The following CELF2 variants were observed in gnomAD, a reference collection of about 807,000 sequenced individuals.
CELF2 encodes the protein CUGBP Elav-like family member 2.
In CELF2, 8 loss-of-function variants were observed where a neutral mutation model predicts 62.6. The ratio of observed to expected loss-of-function variants is 0.13; its 90% CI spans 0.07 to 0.23. The LOEUF (loss-of-function observed/expected upper bound fraction) is 0.23, where lower values mean the gene tolerates loss of function less well. Among genes scored for constraint, CELF2 ranks in the 10% least tolerant of loss-of-function variants. The pLI is 1.00. For missense variants in CELF2, 333 were observed against 671.0 expected (o/e 0.50, Z 5.56); for synonymous variants, 258 against 250.0 (o/e 1.03, Z -0.30).
chr10:10,706,179 G>C, the CELF2 span, among the ~76,000 whole-genome samples: 1 of 152,148 alleles, frequency 6.6e-6, no homozygotes, highest in Non-Finnish European at 1.5e-5. Context: ...CTTTCAGGAA[G>C]CCAAGACTAG....
intron 2 of CELF2, among the ~76,000 whole-genome samples, chr10:10,951,037 T>C (rs1214144671): frequency 6.6e-6 from 1 of 152,222 alleles, no homozygotes; most frequent in African/African-American, 2.4e-5. Flanking sequence ...TTCAGACCCC[T>C]CTATTTCATG....
chr10:11,185,616 G>A (rs1036460912), intron 2 of CELF2, among the ~76,000 whole-genome samples: 12 of 152,244 alleles, frequency 7.9e-5, no homozygotes, highest in Admixed American at 4.6e-4. Flanking sequence ...GTTTCTCCAT[G>A]TTGGTCAAGC....
At chr10:10,568,509 A>G in the CELF2 span, among the ~76,000 whole-genome samples, 2 of 152,198 alleles carry the variant, frequency 1.3e-5, no homozygotes, top group African/African-American at 4.8e-5. Flanking sequence ...TTTTGTTACT[A>G]TCTGGACCTC....
chr10:11,186,737 A>G lies in CELF2; in HGVS notation c.271+21055A>G, dbSNP rs535105524. ...TCATTGGAGCATTTTGGATCAGGAA[A>G]GGGATGCTCAACCAGTAAGTATAAT... On this transcript the variant is annotated intron_variant, in intron 2 of 12. Coordinates refer to ENST00000633077, the MANE Select transcript of CELF2 (RefSeq NM_001326342.2). 1.0e-3 allele frequency among the ~76,000 whole-genome samples: 155 copies of G among 152,326 alleles called. 1 individual carries two copies. The highest frequency in any genetic ancestry group is 3.4e-3 in the Middle Eastern group (1 of 294).
chr10:10,817,770 T>C (rs2399575), intron 1 of CELF2, among the ~76,000 whole-genome samples: 106,976 of 152,154 alleles, frequency 0.7, 37,782 homozygotes, highest in East Asian at 0.79. Context: ...GTAAACAGTG[T>C]TGCAACAAAC....
At chr10:10,611,268 G>A in the CELF2 span, among the ~76,000 whole-genome samples, 1 of 152,100 alleles carries the variant, frequency 6.6e-6, no homozygotes, top group Non-Finnish European at 1.5e-5. Context: ...AACCTATCAT[G>A]GGTCATAAAG....
the CELF2 span, among the ~76,000 whole-genome samples, chr10:10,523,620 G>A: frequency 4.6e-5 from 7 of 151,702 alleles, no homozygotes; most frequent in Non-Finnish European, 8.8e-5. Context: ...TCCTTGCAAC[G>A]GGGCTGGGGA....
intron 3 of CELF2, among the ~76,000 whole-genome samples, chr10:11,225,582 A>G (rs1377644350): frequency 6.6e-6 from 1 of 152,204 alleles, no homozygotes; most frequent in African/African-American, 2.4e-5. Flanking sequence ...TTGTCTGGGC[A>G]TCTGCTTTCC....
At chr10:10,703,393 C>G in the CELF2 span, among the ~76,000 whole-genome samples, 3 of 152,224 alleles carry the variant, frequency 2.0e-5, no homozygotes, top group African/African-American at 4.8e-5. Context: ...CACACCTCCC[C>G]CTAAATGGTT....
intron 1 of CELF2, among the ~76,000 whole-genome samples, chr10:10,890,025 G>C (rs1388939875): frequency 6.6e-6 from 1 of 152,160 alleles, no homozygotes; most frequent in Non-Finnish European, 1.5e-5. Flanking sequence ...TCCTGAGATG[G>C]AAACGATGGG....
Position 11,018,153 on chromosome 10 carries a change from C to T in CELF2, c.64C>T (p.Pro22Ser), listed in dbSNP as rs1204040316. Residue 22 changes from proline to serine, a missense_variant, in exon 1 of 13, where the codon CCT becomes TCT. By Grantham distance (74) the Pro-to-Ser change is moderately conservative (BLOSUM62 -1). Transcript: ENST00000633077. ...DMMVEGRLLVPDRINGTANKM... is the reference protein window; with the variant it reads ...DMMVEGRLLVSDRINGTANKM... ...GATGGTCGAGGGCCGCCTGCTCGTT[C>T]CTGACAGAATGTGAGTGGCGCCGCG... 6.6e-7 allele frequency: 1 copy of T among 1,523,192 alleles called. No homozygotes were observed. Among genetic ancestry groups the T allele is most frequent in the Non-Finnish European group, 8.8e-7 (1 of 1,132,968 alleles). The allele number at this position is 1,523,192 out of a possible 1,614,324, so 94.4% of individuals were successfully genotyped here.
At chr10:10,663,137 T>C in the CELF2 span, among the ~76,000 whole-genome samples, 4 of 152,292 alleles carry the variant, frequency 2.6e-5, no homozygotes, top group South Asian at 8.3e-4. Flanking sequence ...GGCTAAGAGG[T>C]GAACGTGAAA....
At chr10:10,535,170 C>T in the CELF2 span, among the ~76,000 whole-genome samples, 1,479 of 152,268 alleles carry the variant, frequency 9.7e-3, 23 homozygotes, top group African/African-American at 0.033. Flanking sequence ...ATCAACAGCA[C>T]TTGATGAGTC....
In CELF2 at chr10:11,217,981, A is replaced by G. The variant is rs2063772650; in HGVS notation, c.354+474A>G. Among the ~76,000 whole-genome samples, 2 of 152,328 alleles carry G rather than the reference A, an allele frequency of 1.3e-5. No individual in the cohort carries two copies. Among genetic ancestry groups the G allele is most frequent in the East Asian group, 3.9e-4 (2 of 5,190 alleles). The stretch of plus-strand genomic sequence containing the variant: ...TTCTAAACAGTCAATGGTGGTTAAC[A>G]AAGTCAGTGTTTTAATACCCAATTT... On this transcript the variant is annotated intron_variant, in intron 3 of 12. Coordinates refer to ENST00000633077, the MANE Select transcript of CELF2 (RefSeq NM_001326342.2). The surrounding 1 kb of genome is among the most constrained non-coding windows in gnomAD (Gnocchi z 5.6).
At chr10:10,944,313 A>G (rs1391304817) in intron 2 of CELF2, 1 of 152,660 alleles carries the variant, frequency 6.6e-6, no homozygotes, top group Admixed American at 6.5e-5. Context: ...GTTACTGGCA[A>G]AACATTTTGA....
intron 1 of CELF2, among the ~76,000 whole-genome samples, chr10:10,800,647 A>T (rs2054570366): frequency 6.6e-6 from 1 of 152,228 alleles, no homozygotes; most frequent in Admixed American, 6.5e-5. Context: ...TTGTACTAAC[A>T]ACAACATAAT....
chr10:11,197,047 A>AGAG (rs140358437), intron 2 of CELF2, among the ~76,000 whole-genome samples: 3,187 of 25,694 alleles, frequency 0.12, 1,056 homozygotes, highest in Non-Finnish European at 0.22. Flanking sequence ...GAAAGAAAGA[A>AGAG]AGAAAGAAAG....
the CELF2 span, among the ~76,000 whole-genome samples, chr10:10,515,216 C>A: frequency 1.6e-3 from 240 of 152,318 alleles, no homozygotes; most frequent in Non-Finnish European, 2.5e-3. Context: ...CTTTTATAAA[C>A]TTTGTGCCAA....
chr10:10,914,402 T>TG (rs2064132702), intron 1 of CELF2, among the ~76,000 whole-genome samples: 1 of 152,226 alleles, frequency 6.6e-6, no homozygotes, highest in Admixed American at 6.5e-5. Flanking sequence ...GGAATGTTAT[T>TG]GCAGACAGCT....
Sources: gnomAD v4.1 joint callset for allele counts (sites outside exome capture counted in the v4.1 genomes callset) on GRCh38, gnomAD v4.1.1 for gene constraint, Gnocchi (gnomAD v3.1) non-coding constraint, MANE v1.5 for transcripts, NCBI Gene and HGNC (gene_info 2026-07-23, HGNC 2026-07-21) for gene names.